The following LIMS1 variants were observed in gnomAD, a reference collection of about 807,000 sequenced individuals.
LIMS1 encodes the protein LIM zinc finger domain containing 1, also known as LIM and senescent cell antigen-like-containing domain protein 1.
Under a neutral mutation model 44.1 loss-of-function variants are expected in LIMS1, and 18 were observed. That is an observed-to-expected ratio of 0.41 (90% CI 0.28 to 0.61). The LOEUF (loss-of-function observed/expected upper bound fraction) is 0.61. LIMS1 is among the 20% of genes least tolerant of loss of function. LIMS1 has a pLI of 0.32. For missense variants in LIMS1, 201 were observed against 422.0 expected, an observed-to-expected ratio of 0.48 and a Z score of 4.59; for synonymous variants, 93 against 149.1, an observed-to-expected ratio of 0.62 and a Z score of 2.74.
chr2:108,627,847 A>G (rs1286426760), intron 1 of LIMS1, among the ~76,000 whole-genome samples: 1 of 152,234 alleles, frequency 6.6e-6, no homozygotes. Context: ...ATTATTAAAT[A>G]TGTTTCACAT....
At chr2:108,640,171 G>A (rs1182358481) in intron 1 of LIMS1, among the ~76,000 whole-genome samples, 2 of 152,174 alleles carry the variant, frequency 1.3e-5, no homozygotes, top group Non-Finnish European at 2.9e-5. Context: ...GAGTGTCTGA[G>A]GCACTCAGGG....
chr2:108,566,603 T>C (rs1281115992), intron 1 of LIMS1, among the ~76,000 whole-genome samples: 1 of 147,800 alleles, frequency 6.8e-6, no homozygotes, highest in Non-Finnish European at 1.5e-5. Flanking sequence ...ATCTTAAACA[T>C]TTTTTTTTTT....
In LIMS1 at chr2:108,535,097, A is replaced by G. The variant is rs577514326; in HGVS notation, c.32+503A>G. On this transcript the variant is annotated intron_variant, in intron 1 of 9. Transcript: ENST00000544547. The stretch of plus-strand genomic sequence containing the variant: ...ATGCAACATAGGGTTTTGCTAAAAC[A>G]AAAGAGTTCGTGGGACGACTGGCGT... 2.0e-5 allele frequency among the ~76,000 whole-genome samples: 3 copies of G among 152,232 alleles called. No homozygotes were observed. In the East Asian group the frequency reaches 5.8e-4, roughly 29 times the overall value.
At chr2:108,638,660 T>A (rs531831391) in intron 1 of LIMS1, among the ~76,000 whole-genome samples, 1 of 152,056 alleles carries the variant, frequency 6.6e-6, no homozygotes, top group South Asian at 2.1e-4. Flanking sequence ...GGCACGAGAA[T>A]CACTTGAACC....
chr2:108,642,335 G>GTTTTTTTTTTTTTTTTTTTTTTTTTTTT (rs1332814174), intron 1 of LIMS1, among the ~76,000 whole-genome samples: 1 of 34,146 alleles, frequency 2.9e-5, no homozygotes, highest in African/African-American at 9.7e-5. Flanking sequence ...AGCTACTAGT[G>GTTTTTTTTTTTTTTTTTTTTTTTTTTTT]TTTTTTGTTT....
At chr2:108,646,846 TGAGTAGCTGGGACTAC>T (rs1690099010) in intron 1 of LIMS1, among the ~76,000 whole-genome samples, 1 of 152,058 alleles carries the variant, frequency 6.6e-6, no homozygotes, top group Non-Finnish European at 1.5e-5. Context: ...GCTGGGACTA[TGAGTAGCTGGGACTAC>T]AGGCGCCTGC....
chr2:108,656,318 T>TAGATAGATAGATAG (rs1558831239), intron 1 of LIMS1, among the ~76,000 whole-genome samples: 4 of 84,256 alleles, frequency 4.7e-5, no homozygotes, highest in African/African-American at 7.0e-5. Flanking sequence ...TCTATCTATC[T>TAGATAGATAGATAG]ATAGATAGAT....
intron 1 of LIMS1, among the ~76,000 whole-genome samples, chr2:108,592,290 T>C (rs1272320741): frequency 6.6e-6 from 1 of 152,176 alleles, no homozygotes; most frequent in Non-Finnish European, 1.5e-5. Context: ...TGATGTCCTG[T>C]AGAGTGCTTG....
At chr2:108,606,737 C>T (rs1351972621) in intron 1 of LIMS1, among the ~76,000 whole-genome samples, 2 of 152,182 alleles carry the variant, frequency 1.3e-5, no homozygotes. Flanking sequence ...CCACTGCCTC[C>T]CTGGGGGAGC....
intron 1 of LIMS1, among the ~76,000 whole-genome samples, chr2:108,612,663 A>G (rs542153784): frequency 1.1e-4 from 17 of 152,304 alleles, no homozygotes; most frequent in African/African-American, 2.9e-4. Context: ...AGGAATACTC[A>G]TATGAGTGGG....
At chr2:108,651,168 G>C (rs1222594215) in intron 1 of LIMS1, among the ~76,000 whole-genome samples, 3 of 152,116 alleles carry the variant, frequency 2.0e-5, no homozygotes, top group Admixed American at 6.5e-5. Context: ...TGAGCCTCCT[G>C]CTTGTCTTTA....
At chr2:108,542,309 T>G (rs1366414765) in intron 1 of LIMS1, among the ~76,000 whole-genome samples, 1 of 152,236 alleles carries the variant, frequency 6.6e-6, no homozygotes, top group Non-Finnish European at 1.5e-5. Flanking sequence ...ACTCGGTTAG[T>G]CATAACCACC....
chr2:108,569,829 G>T (rs1290686583), intron 1 of LIMS1, among the ~76,000 whole-genome samples: 1 of 137,408 alleles, frequency 7.3e-6, no homozygotes, highest in Non-Finnish European at 1.5e-5. Flanking sequence ...TTGAACTCCT[G>T]GCCTCAGGTG....
At chr2:108,578,428 A>G (rs534874369) in intron 1 of LIMS1, among the ~76,000 whole-genome samples, 3 of 152,176 alleles carry the variant, frequency 2.0e-5, no homozygotes, top group Admixed American at 1.3e-4. Flanking sequence ...AAATGTTATA[A>G]TATCTCCACC....
At chr2:108,646,236 A>C (rs1690054817) in intron 1 of LIMS1, among the ~76,000 whole-genome samples, 1 of 152,220 alleles carries the variant, frequency 6.6e-6, no homozygotes, top group African/African-American at 2.4e-5. Flanking sequence ...AATTGGAAGT[A>C]AAACACTCCT....
chr2:108,588,958 T>C (rs1295946431), intron 1 of LIMS1, among the ~76,000 whole-genome samples: 1 of 152,352 alleles, frequency 6.6e-6, no homozygotes, highest in East Asian at 1.9e-4. Context: ...TTTAGTGTCA[T>C]ATGGTTTATA....
chr2:108,659,464 A>G, intron 1 of LIMS1, 141 bp from the exon 2 acceptor site: 3 of 1,435,950 alleles, frequency 2.1e-6, no homozygotes, highest in Non-Finnish European at 9.3e-7. Context: ...CATGTAAGGA[A>G]CAAGCAAGAA....
intron 1 of LIMS1, among the ~76,000 whole-genome samples, chr2:108,605,738 A>G (rs763685752): frequency 1.4e-3 from 213 of 152,320 alleles, no homozygotes; most frequent in Non-Finnish European, 8.5e-4. Context: ...TTATCTGTGT[A>G]TTGTGGGCCA....
At chr2:108,637,887 T>G (rs1689384278) in intron 1 of LIMS1, among the ~76,000 whole-genome samples, 1 of 150,080 alleles carries the variant, frequency 6.7e-6, no homozygotes, top group South Asian at 2.1e-4. Flanking sequence ...TTTGAGACAG[T>G]ATCTCGCTGT....
Sources: allele counts gnomAD v4.1 joint callset (sites outside exome capture counted in the v4.1 genomes callset), GRCh38; gene constraint gnomAD v4.1.1; transcripts MANE v1.5; gene names NCBI Gene and HGNC (gene_info 2026-07-23, HGNC 2026-07-21).